Variants in VEPH1 observed in about 807,000 individuals in gnomAD.
VEPH1 encodes ventricular zone expressed PH domain containing 1.
VEPH1 carries 80 observed loss-of-function variants against 85.2 expected under a neutral mutation model. The observed-to-expected ratio is 0.94, with a 90% CI of 0.78 to 1.13. The LOEUF (loss-of-function observed/expected upper bound fraction) is 1.13. Ranked by LOEUF, VEPH1 falls within the 50% of genes most tolerant of loss-of-function variation. The probability of loss-of-function intolerance (pLI) is 0.00; values close to 1 mark genes in which losing one functional copy is unlikely to be tolerated. For synonymous variants in VEPH1, 297 were observed against 348.0 expected, an observed-to-expected ratio of 0.85 and a Z score of 1.63; for missense variants, 955 against 980.5, an observed-to-expected ratio of 0.97 and a Z score of 0.35.
chr3:157,396,317 C>T (rs1211240935), intron 6 of VEPH1, among the ~76,000 whole-genome samples: 1 of 152,214 alleles, frequency 6.6e-6, no homozygotes, highest in Non-Finnish European at 1.5e-5. Flanking sequence ...ATATGTACCA[C>T]ATTTTCTTTA....
rs1041990495 is a variant in VEPH1, at chr3:157,260,515, A to G, written c.*619T>C. The G allele has an allele frequency of 2.6e-5, 4 of 152,224 alleles. No homozygotes were observed. Among genetic ancestry groups the G allele is most frequent in the African/African-American group, 9.6e-5 (4 of 41,452 alleles). 9.4% of individuals were successfully genotyped at this position (152,224 alleles called of 1,614,324 possible). A position where few individuals can be genotyped will look rare whatever the true frequency, so the allele number is the denominator to read the frequency against. ...GATTATATTATATGAACTTAAATGG[A>G]ATAATTAAATAAGTAATTCTGAAAG... On this transcript the variant is annotated 3_prime_UTR_variant, in exon 14 of 14. Transcript: ENST00000362010.
chr3:157,340,043 A>G lies in VEPH1; in HGVS notation c.1736-22842T>C, dbSNP rs571205083. Among the ~76,000 whole-genome samples the G allele has an allele frequency of 4.9e-4, 75 of 152,312 alleles. No homozygotes were observed. In the Middle Eastern group the frequency reaches 0.014, roughly 28 times the overall value. On this transcript the variant is annotated intron_variant, in intron 9 of 13. Transcript: ENST00000362010. ...TTCGAAAGTCAGTAAGGTCGAAATC[A>G]TATCCAAGATGGCCAAATAGGAACA...
chr3:157,297,853 C>G (rs73016288), intron 11 of VEPH1, among the ~76,000 whole-genome samples: 1 of 151,842 alleles, frequency 6.6e-6, no homozygotes, highest in Admixed American at 6.6e-5. Flanking sequence ...AGTGAAGAGA[C>G]GGGAAATAAC....
rs1321423619 is a variant in VEPH1 at position 157,265,513 on chromosome 3, T to C, written c.2265+13A>G. ...TTAAAAATGCAAGTGTAAAAGATGA[T>C]GGAGGAACTTACAGACTTTCCTTTT... On this transcript the variant is annotated intron_variant, in intron 13 of 13. Transcript: ENST00000362010. 45 of 1,610,158 alleles carry C rather than the reference T, an allele frequency of 2.8e-5. No homozygotes were observed. Among genetic ancestry groups the C allele is most frequent in the Non-Finnish European group, 3.6e-5 (42 of 1,177,766 alleles).
intron 2 of VEPH1, among the ~76,000 whole-genome samples, chr3:157,474,298 T>C (rs1055883466): frequency 3.9e-5 from 6 of 152,120 alleles, no homozygotes; most frequent in Admixed American, 3.3e-4. Flanking sequence ...TTTATAACTC[T>C]TGTGAACTAA....
Position 157,475,846 on chromosome 3 carries a change from G to A in VEPH1, c.139-5317C>T, listed in dbSNP as rs536353865. Reference sequence around the variant, plus strand: ...CAGAGCTTCAGCCATGCACCTGATCGTTAATTTTGTGTGGCAAGAGAAATG... The same window carrying A: ...CAGAGCTTCAGCCATGCACCTGATCATTAATTTTGTGTGGCAAGAGAAATG... On this transcript the variant is annotated intron_variant, in intron 2 of 13. Transcript: ENST00000362010. 7.2e-5 allele frequency among the ~76,000 whole-genome samples: 11 copies of A among 152,318 alleles called. 1 individual carries two copies. The highest frequency in any genetic ancestry group is 1.9e-4 in the East Asian group (1 of 5,192).
intron 11 of VEPH1, among the ~76,000 whole-genome samples, chr3:157,292,128 G>C (rs779796925): frequency 6.6e-6 from 1 of 152,056 alleles, no homozygotes; most frequent in Non-Finnish European, 1.5e-5. Flanking sequence ...CAGAGTTCTC[G>C]CTATGTTGCC....
intron 4 of VEPH1, among the ~76,000 whole-genome samples, chr3:157,433,521 C>A (rs933172393): frequency 4.6e-5 from 7 of 152,286 alleles, no homozygotes; most frequent in African/African-American, 1.4e-4. Flanking sequence ...GCTATTCTAA[C>A]ATTTAATCAA....
intron 4 of VEPH1, among the ~76,000 whole-genome samples, chr3:157,451,266 T>C (rs1002068534): frequency 6.6e-6 from 1 of 152,234 alleles, no homozygotes; most frequent in African/African-American, 2.4e-5. Context: ...AGAATTGTCT[T>C]ATTTGGTATA....
At chr3:157,305,146 G>A (rs1405470724) in intron 11 of VEPH1, among the ~76,000 whole-genome samples, 1 of 110,072 alleles carries the variant, frequency 9.1e-6, no homozygotes, top group Non-Finnish European at 1.7e-5. Flanking sequence ...GTCTCGCTCT[G>A]TCGCCCAGGC....
rs574433649 is a variant in VEPH1, at chr3:157,341,501, G to A, written c.1735+21863C>T. Reference sequence around the variant, plus strand: ...AAAAGGGTAAAAAGAAACAAACAAAGCCTCCAAGAAATATGGGACTATGTG... The same window carrying A: ...AAAAGGGTAAAAAGAAACAAACAAAACCTCCAAGAAATATGGGACTATGTG... On this transcript the variant is annotated intron_variant, in intron 9 of 13. Coordinates refer to ENST00000362010, the MANE Select transcript of VEPH1 (RefSeq NM_001167912.2). Among the ~76,000 whole-genome samples, 6 of 152,208 alleles carry A rather than the reference G, an allele frequency of 3.9e-5. No homozygotes were observed. The East Asian group carries it at 9.7e-4, about 25-fold the overall frequency.
intron 2 of VEPH1, among the ~76,000 whole-genome samples, chr3:157,487,595 G>A (rs988759): frequency 0.021 from 3,202 of 152,154 alleles, 67 homozygotes; most frequent in Middle Eastern, 0.058. Flanking sequence ...ACTTGATGTC[G>A]AAGCTAGGTA....
chr3:157,296,409 G>T (rs1012681729), intron 11 of VEPH1, among the ~76,000 whole-genome samples: 6 of 152,182 alleles, frequency 3.9e-5, no homozygotes, highest in African/African-American at 1.4e-4. Flanking sequence ...GAAAGGTTCT[G>T]CGTGTGTATG....
Position 157,470,497 on chromosome 3 carries a change from T to G in VEPH1, c.171A>C (p.Val57=). Residue 57 remains valine (V), a synonymous_variant, in exon 3 of 14, where the codon GTA becomes GTC. Transcript: ENST00000362010. ...DYQTNNNDQA[V]VEICITRITT... ...TGATTCTTGTGATACAGATTTCAACTACTGCCTGGTCATTGTTATTGGTTT... is the reference window on the plus strand; with the variant it reads ...TGATTCTTGTGATACAGATTTCAACGACTGCCTGGTCATTGTTATTGGTTT... The G allele has an allele frequency of 1.9e-6, 3 of 1,614,222 alleles. No individual in the cohort carries two copies. Among genetic ancestry groups the G allele is most frequent in the Non-Finnish European group, 2.5e-6 (3 of 1,180,038 alleles).
intron 11 of VEPH1, among the ~76,000 whole-genome samples, chr3:157,291,999 AT>A (rs1717533714): frequency 6.6e-6 from 1 of 152,328 alleles, no homozygotes. Flanking sequence ...AATTCATTTT[AT>A]TTAACAAGTT....
At chr3:157,470,194 T>C (rs369128440) in intron 3 of VEPH1, 120 bp downstream of exon 3, 29 of 874,066 alleles carry the variant, frequency 3.3e-5, no homozygotes, top group Non-Finnish European at 5.1e-5. Context: ...TGATGGCTTG[T>C]AGTGTCTTTT....
At chr3:157,500,626 A>G (rs991652874) in intron 1 of VEPH1, among the ~76,000 whole-genome samples, 2 of 152,222 alleles carry the variant, frequency 1.3e-5, no homozygotes, top group Non-Finnish European at 2.9e-5. Context: ...TTTACAATAT[A>G]CTAATGAAGT....
chr3:157,347,410 T>C (rs1349152792), intron 9 of VEPH1, among the ~76,000 whole-genome samples: 4 of 152,226 alleles, frequency 2.6e-5, no homozygotes, highest in Non-Finnish European at 5.9e-5. Flanking sequence ...AGAGAGAAGA[T>C]GGCCCAAAGT....
At chr3:157,435,726 TA>T in intron 4 of VEPH1, among the ~76,000 whole-genome samples, 1 of 152,358 alleles carries the variant, frequency 6.6e-6, no homozygotes, top group Non-Finnish European at 1.5e-5. Context: ...ATTTTCCCCT[TA>T]CTTTAATGGG....
Sources: allele counts gnomAD v4.1 joint callset (sites outside exome capture counted in the v4.1 genomes callset), GRCh38; gene constraint gnomAD v4.1.1; transcripts MANE v1.5; gene names NCBI Gene and HGNC (gene_info 2026-07-23, HGNC 2026-07-21).